The following HMCN1 variants were observed in gnomAD, a reference collection of about 807,000 sequenced individuals.
The protein encoded by HMCN1 is hemicentin 1.
HMCN1 carries 321 observed loss-of-function variants against 625.9 expected under a neutral mutation model. The ratio of observed to expected loss-of-function variants is 0.51; its 90% CI spans 0.47 to 0.56. The LOEUF is 0.56. Ranked by LOEUF, HMCN1 falls within the 20% of genes least tolerant of loss-of-function variation. The pLI is 0.00. For synonymous variants in HMCN1, 2,425 were observed against 2,417.6 expected, an observed-to-expected ratio of 1.00 and a Z score of -0.09; for missense variants, 6,588 against 6,887.3, an observed-to-expected ratio of 0.96 and a Z score of 1.54.
intron 53 of HMCN1, 79 bp from the exon 54 acceptor site, chr1:186,076,349 A>G: frequency 1.5e-6 from 2 of 1,335,838 alleles, no homozygotes; most frequent in Non-Finnish European, 2.1e-6. Flanking sequence ...GCTTTTACAA[A>G]TCACTCTGGT....
intron 1 of HMCN1, among the ~76,000 whole-genome samples, chr1:185,829,420 C>T (rs1454256021): frequency 6.6e-6 from 1 of 152,124 alleles, no homozygotes; most frequent in Non-Finnish European, 1.5e-5. Context: ...CCCCTTACCC[C>T]CCAACAGGCT....
At chr1:186,125,025 T>A (rs960594749) in intron 81 of HMCN1, among the ~76,000 whole-genome samples, 1 of 152,142 alleles carries the variant, frequency 6.6e-6, no homozygotes, top group Admixed American at 6.6e-5. Context: ...TGTGCAGTTA[T>A]AAAGTCACTC....
intron 14 of HMCN1, 104 bp downstream of exon 14, chr1:185,966,019 C>T (rs1650386130): frequency 1.1e-5 from 8 of 760,666 alleles, no homozygotes; most frequent in South Asian, 2.9e-5. Context: ...TTAGCAGCCC[C>T]ATAAAATGTG....
chr1:186,103,884 C>A (rs952161563), intron 69 of HMCN1, among the ~76,000 whole-genome samples: 2 of 152,076 alleles, frequency 1.3e-5, no homozygotes, highest in African/African-American at 4.8e-5. Context: ...AGCAAGATAC[C>A]TTTCCATTAA....
chr1:186,005,487 T>C (rs1190238632), intron 29 of HMCN1, among the ~76,000 whole-genome samples: 1 of 151,252 alleles, frequency 6.6e-6, no homozygotes, highest in Admixed American at 6.6e-5. Context: ...GTTTAAATTG[T>C]TTATAAATGT....
chr1:185,759,996 T>C (rs1655387576), intron 1 of HMCN1, among the ~76,000 whole-genome samples: 1 of 152,234 alleles, frequency 6.6e-6, no homozygotes, highest in Admixed American at 6.5e-5. Context: ...TTCTAGTTGA[T>C]ATTCAGAAGT....
chr1:186,161,896 C>T (rs1408104408), intron 97 of HMCN1, among the ~76,000 whole-genome samples: 2 of 152,078 alleles, frequency 1.3e-5, no homozygotes, highest in Admixed American at 6.5e-5. Flanking sequence ...AATTATGTTT[C>T]TTGGAGTTGC....
At chr1:185,943,991 GC>G (rs1668210325) in intron 11 of HMCN1, among the ~76,000 whole-genome samples, 1 of 152,020 alleles carries the variant, frequency 6.6e-6, no homozygotes, top group African/African-American at 2.4e-5. Context: ...TCACATTATT[GC>G]CCCAAGGAAA....
intron 1 of HMCN1, among the ~76,000 whole-genome samples, chr1:185,803,010 A>G (rs1658901833): frequency 1.3e-5 from 2 of 151,988 alleles, no homozygotes; most frequent in South Asian, 4.1e-4. Flanking sequence ...CAGAAAAATA[A>G]AGCTCCTACT....
In HMCN1 at chr1:186,165,142, T is replaced by C. The variant is rs567266265; in HGVS notation, c.15288T>C (p.Phe5096=). The C allele has an allele frequency of 1.8e-5, 29 of 1,614,180 alleles. 1 individual carries two copies. The highest frequency in any genetic ancestry group is 1.7e-4 in the African/African-American group (13 of 75,052). The change falls in exon 98 of 107, where the codon TTT becomes TTC. Residue 5096 remains phenylalanine (F), a synonymous_variant. Coordinates refer to ENST00000271588, the MANE Select transcript of HMCN1 (RefSeq NM_031935.3). ...GDRSNQCPSG[F]TLDSVGPFCA... is the part of the protein sequence containing the mutation. The stretch of plus-strand genomic sequence containing the variant: ...GCAGTAATCAGTGCCCCTCCGGGTT[T>C]ACCTTAGACTCAGTTGGACCTTTTT...
intron 55 of HMCN1, among the ~76,000 whole-genome samples, chr1:186,079,342 G>A (rs1659027077): frequency 6.6e-6 from 1 of 152,126 alleles, no homozygotes; most frequent in South Asian, 2.1e-4. Flanking sequence ...AAAGGAGCCT[G>A]GCTCTCCCTT....
At chr1:185,778,935 T>C (rs937025542) in intron 1 of HMCN1, among the ~76,000 whole-genome samples, 1 of 152,222 alleles carries the variant, frequency 6.6e-6, no homozygotes, top group Non-Finnish European at 1.5e-5. Context: ...TCTTCCACAA[T>C]GGTTGAACTA....
intron 18 of HMCN1, 86 bp from the exon 19 acceptor site, chr1:185,984,083 T>G (rs927851537): frequency 6.7e-6 from 7 of 1,037,384 alleles, no homozygotes; most frequent in Non-Finnish European, 1.0e-5. Context: ...GTAACCCAGT[T>G]GGGAAAAAAA....
intron 4 of HMCN1, among the ~76,000 whole-genome samples, chr1:185,876,161 A>C (rs1185545687): frequency 6.6e-6 from 1 of 152,008 alleles, no homozygotes; most frequent in African/African-American, 2.4e-5. Context: ...GAGAACATGC[A>C]GTGTTTGATT....
intron 36 of HMCN1, 57 bp downstream of exon 36, chr1:186,023,210 A>T: frequency 6.8e-7 from 1 of 1,465,456 alleles, no homozygotes. Context: ...TTAAAAACAT[A>T]GTGGGCTCAT....
chr1:186,110,990 T>A (rs1269124046), intron 71 of HMCN1, among the ~76,000 whole-genome samples: 1 of 119,186 alleles, frequency 8.4e-6, no homozygotes, highest in Non-Finnish European at 1.7e-5. Flanking sequence ...TTTTTTTTTT[T>A]TTTTTTTTGA....
Position 186,003,796 on chromosome 1 carries a change from A to G in HMCN1, c.4427A>G (p.Gln1476Arg), listed in dbSNP as rs1218402482. 1.2e-6 allele frequency: 2 copies of G among 1,612,906 alleles called. No individual in the cohort carries two copies. The highest frequency in any genetic ancestry group is 1.7e-6 in the Non-Finnish European group (2 of 1,179,068). The change falls in exon 29 of 107, where the codon CAG becomes CGG. Residue 1476 changes from glutamine to arginine, a missense_variant. By Grantham distance (43) the Gln-to-Arg change is conservative. Coordinates refer to ENST00000271588, the MANE Select transcript of HMCN1 (RefSeq NM_031935.3). ...AACCGTGACGTCGCCCTTGAATGCC[A>G]GGTCAAAGGCACTCCCTTTCCTGAT... Reference protein sequence around the residue: ...VLNRDVALECQVKGTPFPDIH... With the variant: ...VLNRDVALECRVKGTPFPDIH...
intron 42 of HMCN1, among the ~76,000 whole-genome samples, chr1:186,051,956 G>A (rs1656979887): frequency 6.6e-6 from 1 of 151,982 alleles, no homozygotes; most frequent in Non-Finnish European, 1.5e-5. Context: ...AAGGCCTATG[G>A]TATGGCTTCT....
intron 68 of HMCN1, among the ~76,000 whole-genome samples, chr1:186,096,037 T>G (rs72720911): frequency 0.013 from 1,972 of 152,246 alleles, 16 homozygotes; most frequent in Middle Eastern, 0.037. Flanking sequence ...CTTCTTTTCC[T>G]TGAAGTAAAA....
Sources: allele counts gnomAD v4.1 joint callset (sites outside exome capture counted in the v4.1 genomes callset), GRCh38; gene constraint gnomAD v4.1.1; transcripts MANE v1.5; gene names NCBI Gene and HGNC (gene_info 2026-07-23, HGNC 2026-07-21).